The following AKAP19 variants were observed in gnomAD, a reference collection of about 807,000 sequenced individuals.
AKAP19 encodes the protein A-kinase anchoring protein 19, also known as small A-kinase anchoring protein.
the AKAP19 span, among the ~76,000 whole-genome samples, chr2:190,150,760 C>T: frequency 2.1e-5 from 2 of 94,788 alleles, no homozygotes; most frequent in Non-Finnish European, 5.0e-5. Context: ...CTCCCATGAT[C>T]TCCTGCTTTT....
the AKAP19 span, chr2:190,062,479 T>C: frequency 6.2e-7 from 1 of 1,613,540 alleles, no homozygotes; most frequent in Non-Finnish European, 8.5e-7. Flanking sequence ...GTACATGCAT[T>C]ACACAGCCCC....
At chr2:190,037,271 C>A in the AKAP19 span, among the ~76,000 whole-genome samples, 1 of 152,158 alleles carries the variant, frequency 6.6e-6, no homozygotes, top group Non-Finnish European at 1.5e-5. Context: ...TTATTTGCAC[C>A]AAATGCCATA....
the AKAP19 span, among the ~76,000 whole-genome samples, chr2:190,046,502 A>G: frequency 6.6e-6 from 1 of 152,226 alleles, no homozygotes; most frequent in Non-Finnish European, 1.5e-5. Flanking sequence ...ACTAGTATAT[A>G]GAATTCAGAG....
the AKAP19 span, among the ~76,000 whole-genome samples, chr2:190,111,739 G>T: frequency 2.0e-5 from 3 of 152,148 alleles, no homozygotes; most frequent in South Asian, 6.2e-4. Flanking sequence ...CCTGGGGTTG[G>T]GGGGGAAAGA....
chr2:189,950,344 T>TTG, the AKAP19 span, among the ~76,000 whole-genome samples: 1 of 149,532 alleles, frequency 6.7e-6, no homozygotes, highest in African/African-American at 2.5e-5. Context: ...GTTTTTTTTT[T>TTG]TTGTTTTTTT....
chr2:190,010,635 T>G, the AKAP19 span, among the ~76,000 whole-genome samples: 1 of 152,220 alleles, frequency 6.6e-6, no homozygotes, highest in Non-Finnish European at 1.5e-5. Flanking sequence ...TGTGGTTGTA[T>G]AGAAAATATG....
At chr2:189,920,203 T>A in the AKAP19 span, among the ~76,000 whole-genome samples, 1 of 152,240 alleles carries the variant, frequency 6.6e-6, no homozygotes, top group Non-Finnish European at 1.5e-5. Context: ...AAAATATAAG[T>A]GTATTCTTCT....
the AKAP19 span, among the ~76,000 whole-genome samples, chr2:190,085,987 C>T: frequency 1.3e-5 from 2 of 152,216 alleles, no homozygotes; most frequent in South Asian, 2.1e-4. Context: ...TTTGCTTCTA[C>T]AGCTTTCAGC....
chr2:190,043,116 C>T, the AKAP19 span, among the ~76,000 whole-genome samples: 1 of 152,008 alleles, frequency 6.6e-6, no homozygotes, highest in Non-Finnish European at 1.5e-5. Flanking sequence ...TCTCTAGCTG[C>T]CTTTAACATT....
chr2:189,995,546 G>A, the AKAP19 span, among the ~76,000 whole-genome samples: 1 of 152,136 alleles, frequency 6.6e-6, no homozygotes, highest in Non-Finnish European at 1.5e-5. Context: ...GAAGATACTT[G>A]ATTGGTGAGT....
At chr2:189,918,546 C>CT in the AKAP19 span, among the ~76,000 whole-genome samples, 1 of 152,158 alleles carries the variant, frequency 6.6e-6, no homozygotes, top group African/African-American at 2.4e-5. Context: ...AATTGTAACA[C>CT]TCATACATTA....
the AKAP19 span, among the ~76,000 whole-genome samples, chr2:190,026,031 G>A: frequency 1.3e-5 from 2 of 152,094 alleles, no homozygotes; most frequent in Non-Finnish European, 2.9e-5. Context: ...TCGTTAAACT[G>A]CTGAACATCT....
chr2:190,062,494 T>C, the AKAP19 span: 2 of 1,613,576 alleles, frequency 1.2e-6, no homozygotes, highest in African/African-American at 1.3e-5. Context: ...AGCCCCTCTT[T>C]TTCCACATTT....
chr2:190,106,980 T>C, the AKAP19 span, among the ~76,000 whole-genome samples: 1 of 152,122 alleles, frequency 6.6e-6, no homozygotes, highest in Non-Finnish European at 1.5e-5. Flanking sequence ...AAACATAAGC[T>C]GGAGAGAGAA....
At chr2:189,927,197 A>G in the AKAP19 span, among the ~76,000 whole-genome samples, 1 of 152,120 alleles carries the variant, frequency 6.6e-6, no homozygotes, top group Admixed American at 6.5e-5. Context: ...CCCAGCAATG[A>G]ACTTAATTTT....
At chr2:190,017,070 G>T in the AKAP19 span, among the ~76,000 whole-genome samples, 18 of 152,066 alleles carry the variant, frequency 1.2e-4, no homozygotes, top group Admixed American at 1.1e-3. Context: ...TTGACTTGAA[G>T]TCTGTTTTAT....
the AKAP19 span, among the ~76,000 whole-genome samples, chr2:189,914,365 T>G: frequency 2.0e-5 from 3 of 152,128 alleles, no homozygotes; most frequent in African/African-American, 7.2e-5. Context: ...ATTAAATGTT[T>G]CTATGAATTG....
the AKAP19 span, among the ~76,000 whole-genome samples, chr2:189,993,237 T>C: frequency 6.6e-6 from 1 of 152,208 alleles, no homozygotes; most frequent in Non-Finnish European, 1.5e-5. Context: ...GGATGCTGGA[T>C]TTTGTCAGAT....
the AKAP19 span, among the ~76,000 whole-genome samples, chr2:190,007,571 G>A: frequency 1.3e-5 from 2 of 152,142 alleles, no homozygotes; most frequent in Admixed American, 1.3e-4. Context: ...TTTCATTTAA[G>A]GACTGTGCCT....
Sources: allele counts gnomAD v4.1 joint callset (sites outside exome capture counted in the v4.1 genomes callset), GRCh38; gene constraint gnomAD v4.1.1; transcripts MANE v1.5; gene names NCBI Gene and HGNC (gene_info 2026-07-23, HGNC 2026-07-21).